Variants in ARHGAP20 observed in about 807,000 individuals in gnomAD.
The protein encoded by ARHGAP20 is Rho GTPase activating protein 20, also known as rho GTPase-activating protein 20.
ARHGAP20 carries 34 observed loss-of-function variants against 73.7 expected under a neutral mutation model. That is an observed-to-expected ratio of 0.46 (90% CI 0.35 to 0.61). ARHGAP20 has a LOEUF of 0.61. ARHGAP20 is among the 20% of genes least tolerant of loss of function. The probability of loss-of-function intolerance (pLI) is 0.00; values close to 1 mark genes in which losing one functional copy is unlikely to be tolerated. For synonymous variants in ARHGAP20, 523 were observed against 518.2 expected (o/e 1.01, Z -0.13); for missense variants, 1,314 against 1,420.9 (o/e 0.92, Z 1.21).
At chr11:110,631,137 G>C (rs1325978333) in intron 2 of ARHGAP20, among the ~76,000 whole-genome samples, 1 of 152,220 alleles carries the variant, frequency 6.6e-6, no homozygotes, top group Admixed American at 6.5e-5. Context: ...ACATCCCCCT[G>C]AATGCTTCAG....
chr11:110,712,097 A>G lies in ARHGAP20; in HGVS notation c.105+30T>C, dbSNP rs1193615204. 14 of 1,275,578 alleles carry G rather than the reference A, an allele frequency of 1.1e-5. No individual in the cohort carries two copies. The African/African-American group carries it at 2.2e-4, about 20-fold the overall frequency. The allele number at this position is 1,275,578 out of a possible 1,614,324, so 79.0% of individuals were successfully genotyped here. On this transcript the variant is annotated intron_variant, in intron 1 of 14. Transcript: ENST00000683387. ...CCGGCAGTGGGGGCTGCGGCGGCGG[A>G]GGGCACGGGCCCCCGCTCAGCGTCC...
chr11:110,690,823 CA>C, intron 1 of ARHGAP20, 194 bp from the exon 2 acceptor site: 1 of 869,762 alleles, frequency 1.1e-6, no homozygotes, highest in Non-Finnish European at 1.7e-6. Flanking sequence ...CAGTAAGTGT[CA>C]AAAAGTGGTA....
rs1433553657 is a variant in ARHGAP20, at chr11:110,609,019, T to C, written c.740A>G (p.Asn247Ser). The change falls in exon 8 of 15, where the codon AAT (asparagine) becomes AGT (serine). Residue 247 changes from asparagine to serine, a missense_variant. By Grantham distance (46) the Asn-to-Ser change is conservative. Coordinates refer to ENST00000683387, the MANE Select transcript of ARHGAP20 (RefSeq NM_001384657.1). ...GTATGGAGCCTCTTCTTTGCCAGAATTGACCCACAACTGGTAATCTCTCTC... is the reference window on the plus strand; with the variant it reads ...GTATGGAGCCTCTTCTTTGCCAGAACTGACCCACAACTGGTAATCTCTCTC... ...GSERDYQLWVNSGKEEAPYPL... is the reference protein window; with the variant it reads ...GSERDYQLWVSSGKEEAPYPL... 1.9e-6 allele frequency: 3 copies of C among 1,613,738 alleles called. No homozygotes were observed. Among genetic ancestry groups the C allele is most frequent in the African/African-American group, 1.3e-5 (1 of 75,044 alleles).
chr11:110,674,036 T>C (rs1949881505), intron 2 of ARHGAP20, among the ~76,000 whole-genome samples: 1 of 151,994 alleles, frequency 6.6e-6, no homozygotes, highest in African/African-American at 2.4e-5. Flanking sequence ...CCTCCCAGGT[T>C]CAAGCAATTC....
chr11:110,580,314 A>G lies in ARHGAP20; in HGVS notation c.2632T>C (p.Leu878=). ...QHKTSCEAGL[L]HGEEDYLKRH... is the part of the protein sequence containing the mutation. Reference sequence around the variant, plus strand: ...TTGAGATAATCCTCCTCTCCATGCAAGAGACCAGCTTCACAGCTGGTTTTA... The same window carrying G: ...TTGAGATAATCCTCCTCTCCATGCAGGAGACCAGCTTCACAGCTGGTTTTA... The change falls in exon 15 of 15, where the codon TTG becomes CTG. Residue 878 remains leucine (L), a synonymous_variant. Coordinates refer to ENST00000683387, the MANE Select transcript of ARHGAP20 (RefSeq NM_001384657.1). 6.2e-7 allele frequency: 1 copy of G among 1,614,248 alleles called. No individual in the cohort carries two copies.
chr11:110,603,023 T>C (rs1378286834), intron 9 of ARHGAP20, among the ~76,000 whole-genome samples: 5 of 152,202 alleles, frequency 3.3e-5, no homozygotes, highest in Non-Finnish European at 4.4e-5. Flanking sequence ...TTGTGAAAAT[T>C]TGAAGTGTTT....
intron 9 of ARHGAP20, among the ~76,000 whole-genome samples, 200 bp downstream of exon 9, chr11:110,606,361 A>G (rs1048428073): frequency 2.6e-4 from 40 of 152,346 alleles, no homozygotes; most frequent in African/African-American, 8.9e-4. Context: ...AACAGACTGT[A>G]TTGCTACTAG....
chr11:110,628,025 T>C (rs1047881932), intron 3 of ARHGAP20, among the ~76,000 whole-genome samples: 1 of 152,208 alleles, frequency 6.6e-6, no homozygotes, highest in Non-Finnish European at 1.5e-5. Context: ...ACAGATCAAA[T>C]ATAATAATTT....
chr11:110,691,458 C>G (rs1950240929), intron 1 of ARHGAP20, among the ~76,000 whole-genome samples: 1 of 152,132 alleles, frequency 6.6e-6, no homozygotes, highest in African/African-American at 2.4e-5. Context: ...TCCCATATCC[C>G]TCTCACCCTG....
At chr11:110,636,142 G>T (rs1171966997) in intron 2 of ARHGAP20, among the ~76,000 whole-genome samples, 1 of 152,034 alleles carries the variant, frequency 6.6e-6, no homozygotes, top group Non-Finnish European at 1.5e-5. Context: ...TACTCAAAGG[G>T]TCTGATGATA....
In ARHGAP20 at chr11:110,639,241, C is replaced by G. The variant is rs527259848; in HGVS notation, c.189-8449G>C. Among the ~76,000 whole-genome samples the G allele has an allele frequency of 2.2e-3, 174 of 79,724 alleles. 1 individual carries two copies. The highest frequency in any genetic ancestry group is 3.6e-3 in the Non-Finnish European group (157 of 43,452). The allele number at this position is 79,724 out of a possible 152,430, so 52.3% of individuals were successfully genotyped here. On this transcript the variant is annotated intron_variant, in intron 2 of 14. Coordinates refer to ENST00000683387, the MANE Select transcript of ARHGAP20 (RefSeq NM_001384657.1). ...ACACACTCATATTTTATTCGATACCCCCCCCCCACAAGAGTTTTAAAAAAC... is the reference window on the plus strand; with the variant it reads ...ACACACTCATATTTTATTCGATACCGCCCCCCCACAAGAGTTTTAAAAAAC...
chr11:110,693,490 A>AC (rs1950280688), intron 1 of ARHGAP20, among the ~76,000 whole-genome samples: 2 of 151,988 alleles, frequency 1.3e-5, no homozygotes, highest in Non-Finnish European at 2.9e-5. Flanking sequence ...CATTACATGA[A>AC]CCATACATTT....
intron 2 of ARHGAP20, among the ~76,000 whole-genome samples, chr11:110,642,993 C>T (rs1435636223): frequency 6.6e-6 from 1 of 151,982 alleles, no homozygotes; most frequent in Non-Finnish European, 1.5e-5. Context: ...CAGTTTCTTC[C>T]TGGTTCAATC....
chr11:110,681,659 A>G (rs1380304480), intron 2 of ARHGAP20, among the ~76,000 whole-genome samples: 2 of 152,192 alleles, frequency 1.3e-5, no homozygotes, highest in African/African-American at 4.8e-5. Flanking sequence ...ACAGAGGAAA[A>G]AGGAAGTGGA....
chr11:110,691,760 C>T (rs1345718317), intron 1 of ARHGAP20, among the ~76,000 whole-genome samples: 1 of 152,152 alleles, frequency 6.6e-6, no homozygotes, highest in Non-Finnish European at 1.5e-5. Context: ...ACTGCTCTGG[C>T]CTCGGTGTTG....
At chr11:110,681,679 A>G (rs1296283736) in intron 2 of ARHGAP20, among the ~76,000 whole-genome samples, 5 of 152,210 alleles carry the variant, frequency 3.3e-5, no homozygotes, top group Non-Finnish European at 7.3e-5. Context: ...AATAATGAGG[A>G]ATTCGTAGAA....
At chr11:110,624,012 G>T in intron 4 of ARHGAP20, 150 bp downstream of exon 4, 1 of 1,096,678 alleles carries the variant, frequency 9.1e-7, no homozygotes, top group South Asian at 1.6e-5. Context: ...TGTGTCAACA[G>T]ATGAGTTATT....
intron 1 of ARHGAP20, among the ~76,000 whole-genome samples, chr11:110,694,436 A>T (rs986140982): frequency 1.3e-5 from 2 of 149,608 alleles, no homozygotes; most frequent in Non-Finnish European, 3.0e-5. Flanking sequence ...TTGTAGGTCA[A>T]AAAACCTATT....
Position 110,577,210 on chromosome 11 carries a change from A to C in ARHGAP20, c.*2160T>G. The stretch of plus-strand genomic sequence containing the variant: ...ACATATGGTAGTAAAATTTGTCAAG[A>C]TATATTATACAAACTCAAAGCATTT... On this transcript the variant is annotated 3_prime_UTR_variant, in exon 15 of 15. Transcript: ENST00000683387. 1 of 1,520,450 alleles carries C rather than the reference A, an allele frequency of 6.6e-7. No homozygotes were observed. The highest frequency in any genetic ancestry group is 8.8e-7 in the Non-Finnish European group (1 of 1,137,458). The allele number at this position is 1,520,450 out of a possible 1,614,324, so 94.2% of individuals were successfully genotyped here. A position where few individuals can be genotyped will look rare whatever the true frequency, so the allele number is the denominator to read the frequency against.
Sources: allele counts gnomAD v4.1 joint callset (sites outside exome capture counted in the v4.1 genomes callset), GRCh38; gene constraint gnomAD v4.1.1; transcripts MANE v1.5; gene names NCBI Gene and HGNC (gene_info 2026-07-23, HGNC 2026-07-21).